The following CCNT1 variants were observed in gnomAD, a reference collection of about 807,000 sequenced individuals.
CCNT1 encodes cyclin-T1.
A neutral mutation model predicts 67.3 loss-of-function variants in CCNT1; 18 were observed. The ratio of observed to expected loss-of-function variants is 0.27; its 90% CI spans 0.18 to 0.40. The LOEUF is 0.40. Among genes scored for constraint, CCNT1 ranks in the 10% least tolerant of loss-of-function variants. The pLI is 1.00. For synonymous variants in CCNT1, 333 were observed against 310.3 expected (o/e 1.07, Z -0.77); for missense variants, 744 against 884.9 (o/e 0.84, Z 2.02).
chr12:48,695,689 A>G, intron 8 of CCNT1, 70 bp downstream of exon 8: 8 of 1,002,824 alleles, frequency 8.0e-6, no homozygotes, highest in Non-Finnish European at 1.3e-5. Context: ...CATATTCAAT[A>G]CTGGTATATT....
intron 2 of CCNT1, among the ~76,000 whole-genome samples, chr12:48,708,534 G>T (rs540159464): frequency 6.6e-6 from 1 of 150,910 alleles, no homozygotes; most frequent in Admixed American, 6.6e-5. Context: ...GCCACAGAGC[G>T]AGACTCTGTC....
intron 3 of CCNT1, among the ~76,000 whole-genome samples, chr12:48,701,386 C>T (rs961184970): frequency 6.6e-6 from 1 of 151,372 alleles, no homozygotes; most frequent in African/African-American, 2.4e-5. Flanking sequence ...ACACCACGCC[C>T]GGCTAATTTT....
rs1465328348 is a variant in CCNT1 at position 48,694,396 on chromosome 12, C to T, written c.818G>A (p.Gly273Glu). The change falls in exon 9 of 9, where the codon GGA becomes GAA. Residue 273 changes from glycine to glutamate, a missense_variant. Physicochemically the swap from Gly to Glu is moderately conservative, Grantham distance 98. Transcript: ENST00000261900. ...AAKKTKADDR[G>E]TDEKTSEQTI... ...CTGCTCTGAAGTCTTTTCATCTGTTCCTCGGTCATCTGCTTTTGTTTTCTT... is the reference window on the plus strand; with the variant it reads ...CTGCTCTGAAGTCTTTTCATCTGTTTCTCGGTCATCTGCTTTTGTTTTCTT... 1.9e-6 allele frequency: 3 copies of T among 1,613,648 alleles called. No individual in the cohort carries two copies. The highest frequency in any genetic ancestry group is 1.7e-6 in the Non-Finnish European group (2 of 1,179,546).
chr12:48,693,084 T>C lies in CCNT1; in HGVS notation c.2130A>G (p.Pro710=), dbSNP rs1475264380. ...GAGGAGGTTCTGATGGCAGAGGTGG[T>C]GGCCGGGGTTTGTCTGTATTGCCAG... is the stretch of plus-strand genomic sequence containing the variant. ...SRSGNTDKPR[P]PPLPSEPPPP... Residue 710 remains proline (P), a synonymous_variant, in exon 9 of 9, where the codon CCA becomes CCG. Coordinates refer to ENST00000261900, the MANE Select transcript of CCNT1 (RefSeq NM_001240.4). 1.9e-6 allele frequency: 3 copies of C among 1,613,716 alleles called. No individual in the cohort carries two copies. The highest frequency in any genetic ancestry group is 2.5e-6 in the Non-Finnish European group (3 of 1,179,694).
intron 5 of CCNT1, 77 bp downstream of exon 5, chr12:48,699,701 T>G (rs947399034): frequency 1.0e-6 from 1 of 959,644 alleles, no homozygotes; most frequent in South Asian, 1.4e-5. Flanking sequence ...AGAACTATTA[T>G]GTATTGTCCA....
Position 48,712,579 on chromosome 12 carries a change from TA to T in CCNT1, c.243+1863del, listed in dbSNP as rs1565621828. 1.5e-4 allele frequency among the ~76,000 whole-genome samples: 5 copies of T among 32,924 alleles called. 1 individual carries two copies. The highest frequency in any genetic ancestry group is 4.9e-4 in the Admixed American group (1 of 2,036). 21.6% of individuals were successfully genotyped at this position (32,924 alleles called of 152,430 possible). On this transcript the variant is annotated intron_variant, in intron 2 of 8. Transcript: ENST00000261900. ...GTGCCCAGCAGGATAATCTTTTCCT[TA>T]AAAAAAAAAAAAAATAAAAAAAAAA...
chr12:48,700,404 T>C (rs1245683165), intron 4 of CCNT1, among the ~76,000 whole-genome samples: 8 of 151,666 alleles, frequency 5.3e-5, no homozygotes, highest in Admixed American at 1.3e-4. Flanking sequence ...TATATATATG[T>C]ACAAAAAAAA....
At chr12:48,708,441 G>T (rs1244806020) in intron 2 of CCNT1, among the ~76,000 whole-genome samples, 1 of 151,962 alleles carries the variant, frequency 6.6e-6, no homozygotes, top group Non-Finnish European at 1.5e-5. Flanking sequence ...CAGCTACTTG[G>T]GAGGCTGAGG....
rs1330114465 is a variant in CCNT1, at chr12:48,690,044, A to G, written c.*2989T>C. On this transcript the variant is annotated 3_prime_UTR_variant, in exon 9 of 9. Transcript: ENST00000261900. ...GATATGGACATACACTGATTCATGA[A>G]TGGGAAGACTAGACTAACACCTAAG... 6.6e-6 allele frequency: 1 copy of G among 152,250 alleles called. No homozygotes were observed. The highest frequency in any genetic ancestry group is 2.4e-5 in the African/African-American group (1 of 41,470). The allele number at this position is 152,250 out of a possible 1,614,324, so 9.4% of individuals were successfully genotyped here.
Position 48,714,521 on chromosome 12 carries a change from T to G in CCNT1, c.165A>C (p.Ser55=). 7.5e-6 allele frequency: 12 copies of G among 1,602,962 alleles called. No individual in the cohort carries two copies. Among genetic ancestry groups the G allele is most frequent in the Non-Finnish European group, 1.0e-5 (12 of 1,170,028 alleles). ...CTATAGCAGTGTTGATAGTCAATTG[T>G]GAGCTGAAGTGTTCAAGTTAAGATC... The part of the protein sequence containing the change: ...LQDMGQRLNV[S]QLTINTAIVY... The change falls in exon 2 of 9, where the codon TCA becomes TCC. Residue 55 remains serine, a synonymous_variant. Coordinates refer to ENST00000261900, the MANE Select transcript of CCNT1 (RefSeq NM_001240.4).
rs914690141 is a variant in CCNT1 at position 48,688,876 on chromosome 12, GA to G, written c.*4156del. The G allele has an allele frequency of 5.3e-5, 8 of 151,994 alleles. No homozygotes were observed. Among genetic ancestry groups the G allele is most frequent in the African/African-American group, 9.7e-5 (4 of 41,384 alleles). The allele number at this position is 151,994 out of a possible 1,614,324, so 9.4% of individuals were successfully genotyped here. On this transcript the variant is annotated 3_prime_UTR_variant, in exon 9 of 9. Transcript: ENST00000261900. ...GTTTTAGGTGTGTGAAGTAGGGTGG[GA>G]AAAAAGGTCAGTTTCAAATTCAGTA...
chr12:48,697,821 A>G (rs1487818240), intron 6 of CCNT1: 1 of 134,348 alleles, frequency 7.4e-6, no homozygotes, highest in Non-Finnish European at 1.5e-5. Context: ...TCTGTCTCAA[A>G]AAATAATAAT....
chr12:48,701,204 A>T, intron 3 of CCNT1, 131 bp from the exon 4 acceptor site: 1 of 403,146 alleles, frequency 2.5e-6, no homozygotes, highest in East Asian at 4.0e-5. Flanking sequence ...AGAGTTAAGA[A>T]CTGAAATACA....
At chr12:48,698,712 C>G (rs1940219110) in intron 5 of CCNT1, among the ~76,000 whole-genome samples, 1 of 152,274 alleles carries the variant, frequency 6.6e-6, no homozygotes, top group East Asian at 1.9e-4. Flanking sequence ...AATCCCAGCA[C>G]TTTGGGACGC....
Position 48,693,661 on chromosome 12 carries a change from T to A in CCNT1, c.1553A>T (p.His518Leu). 1 of 1,614,166 alleles carries A rather than the reference T, an allele frequency of 6.2e-7. No individual in the cohort carries two copies. Among genetic ancestry groups the A allele is most frequent in the Non-Finnish European group, 8.5e-7 (1 of 1,180,028 alleles). Residue 518 changes from histidine (H) to leucine (L), a missense_variant, in exon 9 of 9, where the codon CAT (histidine) becomes CTT (leucine). This residue lies in a region of CCNT1 where 564 missense variants were observed against 574.2 expected (regional missense o/e 0.98). Transcript: ENST00000261900. ...GTGTGAGTGGTGATTATGATGATGA[T>A]GATGATTAGATGGGTGAGTCTTGTG... The part of the protein sequence containing the change: ...EKHKTHPSNH[H>L]HHHNHHSHKH...
chr12:48,701,395 T>C (rs561316363), intron 3 of CCNT1, among the ~76,000 whole-genome samples: 1 of 151,514 alleles, frequency 6.6e-6, no homozygotes, highest in Admixed American at 6.6e-5. Context: ...CCGGCTAATT[T>C]TTTTGTGAAA....
chr12:48,695,759 C>T lies in CCNT1; in HGVS notation c.777G>A (p.Arg259=). 6.2e-7 allele frequency: 1 copy of T among 1,603,720 alleles called. No individual in the cohort carries two copies. The highest frequency in any genetic ancestry group is 8.5e-7 in the Non-Finnish European group (1 of 1,170,778). The part of the protein sequence containing the change: ...PNRLKRIWNW[R]ACEAAKKTKA... ...ACAAGCTGACAGTAATGATTCTTAC[C>T]CTCCAATTCCAAATGCGTTTGAGCC... The change falls in exon 8 of 9, where the codon AGG becomes AGA. Residue 259 remains arginine, a splice_region_variant and synonymous_variant. Coordinates refer to ENST00000261900, the MANE Select transcript of CCNT1 (RefSeq NM_001240.4).
At chr12:48,703,238 C>T (rs1286509068) in intron 3 of CCNT1, among the ~76,000 whole-genome samples, 5 of 151,930 alleles carry the variant, frequency 3.3e-5, no homozygotes, top group Non-Finnish European at 7.4e-5. Context: ...AATCTTGCCA[C>T]TGCACTCTAT....
rs202018737 is a variant in CCNT1 at position 48,693,034 on chromosome 12, T to C, written c.2180A>G (p.Ter727=). 605 of 1,526,808 alleles carry C rather than the reference T, an allele frequency of 4.0e-4. 2 individuals carry two copies. Among genetic ancestry groups the C allele is most frequent in the Non-Finnish European group, 5.0e-5 (57 of 1,133,036 alleles). 94.6% of individuals were successfully genotyped at this position (1,526,808 alleles called of 1,614,324 possible). A position where few individuals can be genotyped will look rare whatever the true frequency, so the allele number is the denominator to read the frequency against. The change falls in exon 9 of 9, where the codon TAA becomes TGA. Residue 727 remains the stop codon, a stop_retained_variant. Coordinates refer to ENST00000261900, the MANE Select transcript of CCNT1 (RefSeq NM_001240.4). ...PPPPLPPLPK[*] is the part of the protein sequence containing the mutation. ...TTTTCTCCTCTTCTTTTTCTTTTTT[T>C]ACTTAGGAAGGGGTGGAAGTGGTGG...
Sources: allele counts gnomAD v4.1 joint callset (sites outside exome capture counted in the v4.1 genomes callset), GRCh38; gene constraint gnomAD v4.1.1; regional missense constraint gnomAD v4.1.1; transcripts MANE v1.5; gene names NCBI Gene and HGNC (gene_info 2026-07-23, HGNC 2026-07-21).